Variants in KYAT3 observed in about 807,000 individuals in gnomAD.
KYAT3 encodes the protein kynurenine--oxoglutarate transaminase 3.
Under a neutral mutation model 59.0 loss-of-function variants are expected in KYAT3, and 50 were observed. The ratio of observed to expected loss-of-function variants is 0.85; its 90% CI spans 0.68 to 1.07. KYAT3 has a LOEUF of 1.07. KYAT3 is among the 50% of genes least tolerant of loss of function. KYAT3 has a pLI of 0.00. For synonymous variants in KYAT3, 148 were observed against 177.0 expected, an observed-to-expected ratio of 0.84 and a Z score of 1.30; for missense variants, 497 against 533.3, an observed-to-expected ratio of 0.93 and a Z score of 0.67.
At chr1:88,966,237 T>C (rs552518253) in intron 4 of KYAT3, among the ~76,000 whole-genome samples, 6 of 152,278 alleles carry the variant, frequency 3.9e-5, no homozygotes, top group African/African-American at 1.4e-4. Flanking sequence ...TATGGTTGTG[T>C]TCTAATGAAA....
chr1:88,987,781 T>C (rs1386576831), intron 2 of KYAT3, among the ~76,000 whole-genome samples: 3 of 152,232 alleles, frequency 2.0e-5, no homozygotes, highest in Non-Finnish European at 4.4e-5. Context: ...TCACCAACAA[T>C]AATTTCTTGT....
chr1:88,933,922 G>A (rs377087171), downstream of KYAT3, among the ~76,000 whole-genome samples: 9 of 152,172 alleles, frequency 5.9e-5, no homozygotes, highest in East Asian at 1.9e-4. Context: ...CTAACCTGTC[G>A]GCCTTGGACA....
At chr1:88,984,645 CCTCT>C (rs1302531873) in intron 2 of KYAT3, among the ~76,000 whole-genome samples, 1 of 152,148 alleles carries the variant, frequency 6.6e-6, no homozygotes, top group African/African-American at 2.4e-5. Context: ...ATTTGGACTC[CCTCT>C]GAGAGATAAT....
the KYAT3 span, among the ~76,000 whole-genome samples, chr1:88,922,930 C>T: frequency 0.11 from 16,130 of 152,218 alleles, 909 homozygotes; most frequent in Middle Eastern, 0.19. Flanking sequence ...GCTGTGTTTG[C>T]TAGAGTAACT....
chr1:88,961,331 T>A, intron 7 of KYAT3, 44 bp from the exon 8 acceptor site: 1 of 1,613,466 alleles, frequency 6.2e-7, no homozygotes, highest in Non-Finnish European at 8.5e-7. Context: ...ATTCAACATG[T>A]GAGAAAATGA....
Position 88,943,355 on chromosome 1 carries a change from G to T in KYAT3, c.1210C>A (p.His404Asn). The T allele has an allele frequency of 6.5e-7, 1 of 1,529,840 alleles. No homozygotes were observed. Among genetic ancestry groups the T allele is most frequent in the Non-Finnish European group, 9.0e-7 (1 of 1,111,872 alleles). The allele number at this position is 1,529,840 out of a possible 1,614,324, so 94.8% of individuals were successfully genotyped here. ...DYKFVKWMTK[H>N]KKLSAIPVSA... Reference sequence around the variant, plus strand: ...CAAAGAACAATAAACATTACCTTATGTTTAGTCATCCATTTCACAAACTTA... The same window carrying T: ...CAAAGAACAATAAACATTACCTTATTTTTAGTCATCCATTTCACAAACTTA... Residue 404 changes from histidine to asparagine, a missense_variant, in exon 12 of 14, where the codon CAT becomes AAT. Around this residue, in one of 2 missense-constraint regions of KYAT3, gnomAD observed 469 missense variants for 479.1 expected, o/e 0.98. Coordinates refer to ENST00000260508, the MANE Select transcript of KYAT3 (RefSeq NM_001008661.3).
intron 13 of KYAT3, among the ~76,000 whole-genome samples, chr1:88,939,649 A>G (rs12138645): frequency 0.28 from 43,330 of 152,074 alleles, 7,535 homozygotes; most frequent in Non-Finnish European, 0.38. Flanking sequence ...TTTCCTCTGC[A>G]TCAATAATTT....
intron 10 of KYAT3, among the ~76,000 whole-genome samples, chr1:88,952,606 C>T (rs1675724987): frequency 6.6e-6 from 1 of 152,162 alleles, no homozygotes; most frequent in Non-Finnish European, 1.5e-5. Flanking sequence ...TAAGGCCTCT[C>T]CAGAAGCAGA....
chr1:88,947,132 C>T (rs766983674), intron 11 of KYAT3, among the ~76,000 whole-genome samples: 15 of 152,208 alleles, frequency 9.9e-5, no homozygotes, highest in Non-Finnish European at 1.9e-4. Flanking sequence ...ACCTACTTGA[C>T]TCGCCCACTG....
intron 2 of KYAT3, chr1:88,980,095 A>C (rs1190359468): frequency 6.6e-6 from 1 of 152,220 alleles, no homozygotes; most frequent in Non-Finnish European, 1.5e-5. Flanking sequence ...CATTTATATA[A>C]AATACTAAAC....
rs112443879 is a variant in KYAT3 at position 88,966,847 on chromosome 1, T to C, written c.303+1823A>G. Among the ~76,000 whole-genome samples, 12 of 152,256 alleles carry C rather than the reference T, an allele frequency of 7.9e-5. 2 individuals carry two copies. Among genetic ancestry groups the C allele is most frequent in the African/African-American group, 2.9e-4 (12 of 41,584 alleles). On this transcript the variant is annotated intron_variant, in intron 4 of 13. Coordinates refer to ENST00000260508, the MANE Select transcript of KYAT3 (RefSeq NM_001008661.3). ...TTCTCATAGATTCCTTTTATCAGAG[T>C]GAGAAAGCTCCATTCTATTTCTAAT... is the stretch of plus-strand genomic sequence containing the variant.
At chr1:88,940,889 C>A (rs1469385720) in intron 13 of KYAT3, among the ~76,000 whole-genome samples, 1 of 152,174 alleles carries the variant, frequency 6.6e-6, no homozygotes. Flanking sequence ...GAGTATGCTG[C>A]CTGCTGGCTT....
intron 6 of KYAT3, 141 bp from the exon 7 acceptor site, chr1:88,961,647 T>C: frequency 1.4e-6 from 1 of 706,966 alleles, no homozygotes; most frequent in East Asian, 2.8e-5. Flanking sequence ...AATGCTTTCC[T>C]GCAGTAGGAA....
At chr1:88,985,778 T>G (rs763011715) in intron 2 of KYAT3, among the ~76,000 whole-genome samples, 1 of 152,036 alleles carries the variant, frequency 6.6e-6, no homozygotes, top group Non-Finnish European at 1.5e-5. Context: ...ACTCAGAAAG[T>G]AGGAAAGATT....
chr1:88,943,320 C>T (rs2101018365), intron 12 of KYAT3, 30 bp downstream of exon 12: 1 of 1,298,718 alleles, frequency 7.7e-7, no homozygotes, highest in South Asian at 1.3e-5. Flanking sequence ...TAAAATATAA[C>T]AGAATCTTGC....
At chr1:88,983,980 C>T in intron 2 of KYAT3, 1 of 648,122 alleles carries the variant, frequency 1.5e-6, no homozygotes, top group Non-Finnish European at 2.6e-6. Context: ...AATCTGGATG[C>T]TTTTTAAGGT....
At chr1:88,980,715 A>G (rs1191036550) in intron 2 of KYAT3, 1 of 152,210 alleles carries the variant, frequency 6.6e-6, no homozygotes, top group Non-Finnish European at 1.5e-5. Flanking sequence ...TACAAACTCT[A>G]TATCCTATAT....
intron 2 of KYAT3, among the ~76,000 whole-genome samples, chr1:88,979,050 T>C (rs1230515384): frequency 2.0e-5 from 3 of 152,158 alleles, no homozygotes; most frequent in South Asian, 2.1e-4. Flanking sequence ...TCCGAAGCTA[T>C]AGTAATCAGA....
the KYAT3 span, among the ~76,000 whole-genome samples, chr1:88,928,335 C>T: frequency 1.3e-4 from 20 of 151,830 alleles, no homozygotes; most frequent in South Asian, 2.5e-3. Flanking sequence ...AACTTGGCAA[C>T]GTTGGTTTTT....
Sources: allele counts gnomAD v4.1 joint callset (sites outside exome capture counted in the v4.1 genomes callset), GRCh38; gene constraint gnomAD v4.1.1; regional missense constraint gnomAD v4.1.1; transcripts MANE v1.5; gene names NCBI Gene and HGNC (gene_info 2026-07-23, HGNC 2026-07-21).